Variants in PPFIA4 observed in about 807,000 individuals in gnomAD.
PPFIA4 encodes the protein liprin-alpha-4.
A neutral mutation model predicts 145.7 loss-of-function variants in PPFIA4; 98 were observed. That is an observed-to-expected ratio of 0.67 (90% CI 0.57 to 0.80). The LOEUF (loss-of-function observed/expected upper bound fraction) is 0.80, where lower values mean the gene tolerates loss of function less well. PPFIA4 is among the 30% of genes least tolerant of loss of function. PPFIA4 has a pLI of 0.00. For missense variants in PPFIA4, 1,457 were observed against 1,632.7 expected (o/e 0.89, Z 1.85); for synonymous variants, 628 against 649.6 (o/e 0.97, Z 0.51).
At chr1:203,071,914 A>G (rs1433802396) in intron 28 of PPFIA4, among the ~76,000 whole-genome samples, 154 bp downstream of exon 28, 2 of 152,150 alleles carry the variant, frequency 1.3e-5, no homozygotes, top group Non-Finnish European at 2.9e-5. Context: ...GGGGTTGAGG[A>G]GGTGGACCAG....
chr1:203,050,850 A>T (rs371299550), intron 13 of PPFIA4, among the ~76,000 whole-genome samples: 8 of 151,228 alleles, frequency 5.3e-5, no homozygotes, highest in Admixed American at 4.6e-4. Flanking sequence ...TACGGCCCAC[A>T]GTACACCAAG....
chr1:203,045,602 C>A, intron 7 of PPFIA4, 43 bp downstream of exon 7: 1 of 1,512,472 alleles, frequency 6.6e-7, no homozygotes, highest in Admixed American at 2.1e-5. Context: ...CATTGTGGAG[C>A]GTGTGGAGGG....
At chr1:203,057,041 C>T in intron 19 of PPFIA4, 91 bp downstream of exon 19, 2 of 1,566,226 alleles carry the variant, frequency 1.3e-6, no homozygotes, top group Non-Finnish European at 8.7e-7. Context: ...CTGCCTGCGT[C>T]CCAGGGACCA....
In PPFIA4 at chr1:203,039,084, T is replaced by G. The variant is rs1450112200; in HGVS notation, c.76T>G (p.Phe26Val). The G allele has an allele frequency of 6.2e-7, 1 of 1,606,514 alleles. No individual in the cohort carries two copies. The highest frequency in any genetic ancestry group is 1.7e-5 in the Admixed American group (1 of 58,896). ...PPHGADADANFEQLMVNMLDE... is the reference protein window; with the variant it reads ...PPHGADADANVEQLMVNMLDE... The stretch of plus-strand genomic sequence containing the variant: ...TCATGGCGCCGATGCTGACGCCAAC[T>G]TCGAGCAGCTGATGGTGAACATGCT... The change falls in exon 2 of 30, where the codon TTC (phenylalanine) becomes GTC (valine). Residue 26 changes from phenylalanine (F) to valine (V), a missense_variant. Coordinates refer to ENST00000295706, the MANE Select transcript of PPFIA4 (RefSeq NM_001304331.2).
intron 20 of PPFIA4, 146 bp downstream of exon 20, chr1:203,059,417 C>A: frequency 1.4e-6 from 1 of 734,016 alleles, no homozygotes; most frequent in Non-Finnish European, 2.3e-6. Context: ...CATGTGGGCA[C>A]AGCAGGGCTG....
intron 1 of PPFIA4, among the ~76,000 whole-genome samples, chr1:203,029,005 A>G (rs951760816): frequency 9.9e-5 from 15 of 151,674 alleles, no homozygotes; most frequent in Middle Eastern, 6.8e-3. Context: ...CTTCTAGGGG[A>G]CCCTCTGCAT....
At position 203,039,231 on chromosome 1, in the gene PPFIA4, G is replaced by C; in HGVS notation, c.223G>C (p.Ala75Pro). ...CCAGCTCCAGCGCCACCTTAACTCCGCCCTCCCCCAGGTAAGGCCCGAAGG... is the reference window on the plus strand; with the variant it reads ...CCAGCTCCAGCGCCACCTTAACTCCCCCCTCCCCCAGGTAAGGCCCGAAGG... ...RDQLQRHLNS[A>P]LPQEFATLTR... is the part of the protein sequence containing the mutation. The change falls in exon 2 of 30, where the codon GCC (alanine) becomes CCC (proline). Residue 75 changes from alanine to proline, a missense_variant. Ala to Pro is a conservative substitution (Grantham distance 27, BLOSUM62 -1). Coordinates refer to ENST00000295706, the MANE Select transcript of PPFIA4 (RefSeq NM_001304331.2). 6.3e-7 allele frequency: 1 copy of C among 1,587,478 alleles called. No individual in the cohort carries two copies. Among genetic ancestry groups the C allele is most frequent in the Non-Finnish European group, 8.6e-7 (1 of 1,168,174 alleles).
chr1:203,044,164 T>A (rs2102631863), intron 4 of PPFIA4, 69 bp downstream of exon 4: 1 of 1,471,568 alleles, frequency 6.8e-7, no homozygotes, highest in East Asian at 2.3e-5. Flanking sequence ...ATCCCTTCTC[T>A]GAGATTTCCA....
chr1:203,052,396 C>T (rs946212936), intron 14 of PPFIA4, among the ~76,000 whole-genome samples: 3 of 151,940 alleles, frequency 2.0e-5, no homozygotes, highest in East Asian at 1.9e-4. Flanking sequence ...AGAAAAATGC[C>T]GAGTTTGATC....
rs1014677058 is a variant in PPFIA4 at position 203,055,320 on chromosome 1, C to T, written c.1830-112C>T. On this transcript the variant is annotated intron_variant, in intron 15 of 29. Coordinates refer to ENST00000295706, the MANE Select transcript of PPFIA4 (RefSeq NM_001304331.2). This position sits in a 1 kb window ranked among gnomAD's most constrained non-coding sequence, Gnocchi z 4.8. ...CTCCAGTGGGACAGACAAAGCCTGG[C>T]GGGTGTACACCGCATGTGGTCCTTG... is the stretch of plus-strand genomic sequence containing the variant. 35 of 1,380,974 alleles carry T rather than the reference C, an allele frequency of 2.5e-5. No individual in the cohort carries two copies. The highest frequency in any genetic ancestry group is 2.4e-4 in the African/African-American group (17 of 70,236). The allele number at this position is 1,380,974 out of a possible 1,614,324, so 85.5% of individuals were successfully genotyped here.
In PPFIA4 at chr1:203,048,595, G is replaced by A; in HGVS notation, c.1237G>A (p.Glu413Lys). 6.3e-7 allele frequency: 1 copy of A among 1,587,848 alleles called. No homozygotes were observed. Among genetic ancestry groups the A allele is most frequent in the Non-Finnish European group, 8.6e-7 (1 of 1,168,228 alleles). Residue 413 changes from glutamate to lysine, a missense_variant, in exon 11 of 30, where the codon GAA becomes AAA. Coordinates refer to ENST00000295706, the MANE Select transcript of PPFIA4 (RefSeq NM_001304331.2). The surrounding 1 kb of genome is among the most constrained non-coding windows in gnomAD (Gnocchi z 5.8). The stretch of plus-strand genomic sequence containing the variant: ...GACGGCTGTGCAGGTGCGCCAGCGG[G>A]AAAAGATGAATGAGGACCACAACAA... Reference protein sequence around the residue: ...NQELARVRQREKMNEDHNKRL... With the variant: ...NQELARVRQRKKMNEDHNKRL...
In PPFIA4 at chr1:203,063,841, G is replaced by A. The variant is rs950980562; in HGVS notation, c.2888G>A (p.Gly963Glu). Residue 963 changes from glycine to glutamate, a missense_variant, in exon 25 of 30, where the codon GGG becomes GAG. Transcript: ENST00000295706. ...EGSWAQTLAY[G>E]DMNHEWIGNE... ...TCATTTCCCTAGACCCTGGCCTATG[G>A]GGACATGAACCATGAGTGGATTGGG... 3 of 1,613,974 alleles carry A rather than the reference G, an allele frequency of 1.9e-6. No homozygotes were observed. The highest frequency in any genetic ancestry group is 2.5e-6 in the Non-Finnish European group (3 of 1,179,898).
intron 24 of PPFIA4, chr1:203,063,345 T>C (rs985129016): frequency 6.1e-6 from 1 of 163,658 alleles, no homozygotes; most frequent in Non-Finnish European, 1.3e-5. Flanking sequence ...TTCAGTCTTC[T>C]GCCAACATTT....
chr1:203,063,644 A>G, intron 24 of PPFIA4, 184 bp from the exon 25 acceptor site: 1 of 579,466 alleles, frequency 1.7e-6, no homozygotes, highest in Admixed American at 3.2e-5. Context: ...AGTTCCATTT[A>G]AAATCCTCAC....
chr1:203,040,940 C>T (rs984189943), intron 2 of PPFIA4, among the ~76,000 whole-genome samples: 17 of 152,210 alleles, frequency 1.1e-4, no homozygotes, highest in Non-Finnish European at 2.2e-4. Flanking sequence ...CCCCAGTGAT[C>T]TGCACAGGAC....
At chr1:203,041,259 A>G (rs1163645211) in intron 2 of PPFIA4, among the ~76,000 whole-genome samples, 1 of 152,152 alleles carries the variant, frequency 6.6e-6, no homozygotes, top group Non-Finnish European at 1.5e-5. Flanking sequence ...GTGATATGGA[A>G]ATGACATGAG....
chr1:203,067,813 G>A, intron 26 of PPFIA4, 21 bp downstream of exon 26: 1 of 1,609,860 alleles, frequency 6.2e-7, no homozygotes, highest in Non-Finnish European at 8.5e-7. Flanking sequence ...CAGGCTTGGA[G>A]AGGGTTCGGG....
At chr1:203,035,337 G>A (rs375528066) in intron 1 of PPFIA4, 401 of 456,480 alleles carry the variant, frequency 8.8e-4, no homozygotes, top group African/African-American at 7.4e-3. Context: ...GCAGGAGGGA[G>A]CCAGGCCTGT....
At chr1:203,031,760 CT>C (rs1239089191) in intron 1 of PPFIA4, among the ~76,000 whole-genome samples, 1 of 152,164 alleles carries the variant, frequency 6.6e-6, no homozygotes, top group Non-Finnish European at 1.5e-5. Flanking sequence ...ATGCTTATTA[CT>C]TTGTTTCTTC....
Sources: allele counts gnomAD v4.1 joint callset (sites outside exome capture counted in the v4.1 genomes callset), GRCh38; gene constraint gnomAD v4.1.1; non-coding constraint Gnocchi (gnomAD v3.1); transcripts MANE v1.5; gene names NCBI Gene and HGNC (gene_info 2026-07-23, HGNC 2026-07-21).